Variants in AP3S1 observed in about 807,000 individuals in gnomAD.
The protein encoded by AP3S1 is AP-3 complex subunit sigma-1.
A neutral mutation model predicts 21.3 loss-of-function variants in AP3S1; 12 were observed. The observed-to-expected ratio is 0.56, with a 90% confidence interval of 0.36 to 0.91. The LOEUF (loss-of-function observed/expected upper bound fraction) is 0.91, where lower values mean the gene tolerates loss of function less well. Ranked by LOEUF, AP3S1 falls within the 40% of genes least tolerant of loss-of-function variation. The pLI, the probability that AP3S1 is intolerant of heterozygous loss-of-function variation, is 0.01. For missense variants in AP3S1, 116 were observed against 225.0 expected (o/e 0.52, Z 3.10); for synonymous variants, 48 against 78.4 (o/e 0.61, Z 2.05).
chr5:115,867,439 T>G (rs1370696038), intron 2 of AP3S1, among the ~76,000 whole-genome samples: 2 of 152,190 alleles, frequency 1.3e-5, no homozygotes, highest in African/African-American at 4.8e-5. Flanking sequence ...ACTTTTAAAC[T>G]AATAACTTCC....
At chr5:115,884,799 C>T (rs1330920005) in intron 3 of AP3S1, among the ~76,000 whole-genome samples, 1 of 152,172 alleles carries the variant, frequency 6.6e-6, no homozygotes, top group Non-Finnish European at 1.5e-5. Context: ...TAAAAAATCA[C>T]TTAACTAGTA....
chr5:115,883,363 G>A (rs1210824545), intron 3 of AP3S1, among the ~76,000 whole-genome samples: 1 of 152,200 alleles, frequency 6.6e-6, no homozygotes, highest in East Asian at 1.9e-4. Flanking sequence ...CCTGGTCTGC[G>A]GGTTGCAAAG....
chr5:115,844,983 C>G (rs561739096), intron 1 of AP3S1, among the ~76,000 whole-genome samples: 2 of 152,262 alleles, frequency 1.3e-5, no homozygotes, highest in South Asian at 2.1e-4. Flanking sequence ...TTTAGAATCT[C>G]CTAGCTTGGG....
chr5:115,859,968 A>G (rs1763058392), intron 1 of AP3S1, among the ~76,000 whole-genome samples: 1 of 152,172 alleles, frequency 6.6e-6, no homozygotes, highest in African/African-American at 2.4e-5. Context: ...AAAACAACCC[A>G]AACTTATCGT....
intron 5 of AP3S1, among the ~76,000 whole-genome samples, chr5:115,911,352 C>T (rs1752094429): frequency 1.3e-5 from 2 of 151,934 alleles, no homozygotes; most frequent in South Asian, 2.1e-4. Flanking sequence ...CACACACACG[C>T]ACAATTTCTC....
chr5:115,903,070 TTGTC>T, intron 5 of AP3S1, 78 bp downstream of exon 5: 1 of 1,100,736 alleles, frequency 9.1e-7, no homozygotes, highest in Non-Finnish European at 1.3e-6. Context: ...TTTTCACTGT[TTGTC>T]CTTCAGTATC....
chr5:115,879,976 T>A (rs1301199442), intron 3 of AP3S1, among the ~76,000 whole-genome samples: 1 of 152,198 alleles, frequency 6.6e-6, no homozygotes, highest in Non-Finnish European at 1.5e-5. Context: ...TCTTCTAGAT[T>A]TTCTAGTTTA....
intron 5 of AP3S1, chr5:115,903,310 A>G (rs1055936925): frequency 1.2e-5 from 2 of 168,072 alleles, no homozygotes; most frequent in African/African-American, 4.8e-5. Flanking sequence ...TTCAGTCGGT[A>G]ATTATCAAGG....
chr5:115,911,596 A>G (rs147873844), intron 5 of AP3S1, among the ~76,000 whole-genome samples: 299 of 152,194 alleles, frequency 2.0e-3, no homozygotes, highest in Middle Eastern at 3.4e-3. Context: ...TTAGTAGACA[A>G]CATACTTCCT....
chr5:115,894,264 T>G (rs1264405136), intron 3 of AP3S1, among the ~76,000 whole-genome samples: 1 of 152,212 alleles, frequency 6.6e-6, no homozygotes, highest in East Asian at 1.9e-4. Context: ...CAGGGATGTT[T>G]ACCCTGGGGG....
At chr5:115,886,704 C>T (rs945179943) in intron 3 of AP3S1, among the ~76,000 whole-genome samples, 34 of 152,138 alleles carry the variant, frequency 2.2e-4, no homozygotes, top group African/African-American at 7.2e-4. Flanking sequence ...ATCCCAACCC[C>T]ACTGTTGTTC....
intron 1 of AP3S1, among the ~76,000 whole-genome samples, chr5:115,847,781 T>A (rs1415436507): frequency 6.6e-6 from 1 of 152,204 alleles, no homozygotes; most frequent in East Asian, 1.9e-4. Context: ...TATTAGCTTT[T>A]AATATATATT....
chr5:115,869,705 C>CTGA (rs3072859), intron 2 of AP3S1, among the ~76,000 whole-genome samples: 4,595 of 152,266 alleles, frequency 0.03, 253 homozygotes, highest in African/African-American at 0.11. Flanking sequence ...TTGCCACTAT[C>CTGA]TGATGATGTT....
At chr5:115,896,506 C>T (rs560761007) in intron 4 of AP3S1, among the ~76,000 whole-genome samples, 2 of 152,242 alleles carry the variant, frequency 1.3e-5, no homozygotes, top group East Asian at 3.9e-4. Context: ...AGACCAGGTG[C>T]AGGTGCTCAT....
At chr5:115,848,117 A>G (rs901501756) in intron 1 of AP3S1, among the ~76,000 whole-genome samples, 2 of 152,206 alleles carry the variant, frequency 1.3e-5, no homozygotes, top group Non-Finnish European at 2.9e-5. Context: ...GGCTTTTCTA[A>G]AAGAAGGCCT....
At chr5:115,849,894 TA>T (rs967760887) in intron 1 of AP3S1, among the ~76,000 whole-genome samples, 7 of 144,672 alleles carry the variant, frequency 4.8e-5, no homozygotes, top group South Asian at 2.2e-4. Context: ...CCCTGTCTTC[TA>T]AAAAAAAAAC....
chr5:115,898,508 T>G (rs954334029), intron 4 of AP3S1: 2 of 152,194 alleles, frequency 1.3e-5, no homozygotes, highest in Non-Finnish European at 2.9e-5. Flanking sequence ...AGGAAAAGAT[T>G]TATTACTCAC....
chr5:115,881,673 A>G (rs1017347368), intron 3 of AP3S1, among the ~76,000 whole-genome samples: 1 of 152,026 alleles, frequency 6.6e-6, no homozygotes. Flanking sequence ...TCTGACGATT[A>G]TGTGTCTTGG....
rs1478528688 is a variant in AP3S1 at position 115,903,174 on chromosome 5, C to T, written c.453+182C>T. On this transcript the variant is annotated intron_variant, in intron 5 of 5. Coordinates refer to ENST00000316788, the MANE Select transcript of AP3S1 (RefSeq NM_001284.4). ...TAAAGGTTCTGTGACTGTTCTCTAC[C>T]CAACAGCTTTGTGTATTCTTCTTTT... The T allele has an allele frequency of 1.4e-5, 6 of 444,266 alleles. No homozygotes were observed. In the Admixed American group the frequency reaches 1.4e-4, roughly 10 times the overall value. The allele number at this position is 444,266 out of a possible 1,614,324, so 27.5% of individuals were successfully genotyped here.
Sources: allele counts gnomAD v4.1 joint callset (sites outside exome capture counted in the v4.1 genomes callset), GRCh38; gene constraint gnomAD v4.1.1; transcripts MANE v1.5; gene names NCBI Gene and HGNC (gene_info 2026-07-23, HGNC 2026-07-21).